The following SYNE2 variants were observed in gnomAD, a reference collection of about 807,000 sequenced individuals.
The protein encoded by SYNE2 is spectrin repeat containing nuclear envelope protein 2, also known as nesprin-2.
A neutral mutation model predicts 856.3 loss-of-function variants in SYNE2; 431 were observed. The observed-to-expected ratio is 0.50, with a 90% CI of 0.47 to 0.55. The LOEUF is 0.55. Ranked by LOEUF, SYNE2 falls within the 20% of genes least tolerant of loss-of-function variation. The probability of loss-of-function intolerance (pLI) is 0.00; values close to 1 mark genes in which losing one functional copy is unlikely to be tolerated. For missense variants in SYNE2, 8,129 were observed against 8,023.2 expected (o/e 1.01, Z -0.50); for synonymous variants, 2,923 against 2,872.3 (o/e 1.02, Z -0.56).
intron 1 of SYNE2, among the ~76,000 whole-genome samples, chr14:63,870,398 T>C (rs565035713): frequency 4.3e-5 from 6 of 138,556 alleles, no homozygotes; most frequent in African/African-American, 1.4e-4. Flanking sequence ...TCTTCCATTC[T>C]AGATAATACT....
chr14:64,174,509 A>G (rs892312772), intron 94 of SYNE2, among the ~76,000 whole-genome samples: 2 of 152,220 alleles, frequency 1.3e-5, no homozygotes, highest in African/African-American at 2.4e-5. Context: ...AGAAATGTAT[A>G]TTTTTTGTAT....
Position 63,986,574 on chromosome 14 carries a change from T to C in SYNE2, c.2270T>C (p.Leu757Ser), listed in dbSNP as rs200319405. Residue 757 changes from leucine (L) to serine (S), a missense_variant, in exon 19 of 116, where the codon TTG becomes TCG. Around this residue, in one of 3 missense-constraint regions of SYNE2, gnomAD observed 2,422 missense variants for 2,357.4 expected, o/e 1.03. Coordinates refer to ENST00000555002, the MANE Select transcript of SYNE2 (RefSeq NM_182914.3). Reference sequence around the variant, plus strand: ...TGGGAGGCAGAAGCCAAATCTGTTTTGGATCAAGATGATGTGGACACCTCA... The same window carrying C: ...TGGGAGGCAGAAGCCAAATCTGTTTCGGATCAAGATGATGTGGACACCTCA... ...EIWEAEAKSV[L>S]DQDDVDTSME... is the part of the protein sequence containing the mutation. 921 of 1,614,062 alleles carry C rather than the reference T, an allele frequency of 5.7e-4. 2 individuals carry two copies. The highest frequency in any genetic ancestry group is 7.5e-4 in the Non-Finnish European group (881 of 1,180,024).
Position 64,190,989 on chromosome 14 carries a change from T to TG in SYNE2, c.18038+753dup, listed in dbSNP as rs1297255875. On this transcript the variant is annotated intron_variant, in intron 99 of 115. Transcript: ENST00000555002. ...ACCGTCACTTGGCCTTGGGACCACTTGTGCAGCTGTGCTTCCACTGGCCAC... is the reference window on the plus strand; with the variant it reads ...ACCGTCACTTGGCCTTGGGACCACTTGGTGCAGCTGTGCTTCCACTGGCCAC... 1.6e-5 allele frequency: 11 copies of TG among 702,242 alleles called. No individual in the cohort carries two copies. In the South Asian group the frequency reaches 1.6e-4, roughly 10 times the overall value. The allele number at this position is 702,242 out of a possible 1,614,324, so 43.5% of individuals were successfully genotyped here.
intron 1 of SYNE2, among the ~76,000 whole-genome samples, chr14:63,900,291 C>G (rs547504128): frequency 3.3e-5 from 5 of 152,140 alleles, no homozygotes; most frequent in Non-Finnish European, 5.9e-5. Context: ...TTTGTTTTCA[C>G]GCTGCTGATA....
intron 1 of SYNE2, chr14:63,864,470 G>A (rs753232539): frequency 1.1e-4 from 17 of 152,194 alleles, no homozygotes; most frequent in Non-Finnish European, 1.9e-4. Flanking sequence ...GAACTGGAAG[G>A]TAAGCTTGTT....
At chr14:63,978,191 C>G (rs1034283351) in intron 13 of SYNE2, among the ~76,000 whole-genome samples, 174 bp downstream of exon 13, 37 of 152,268 alleles carry the variant, frequency 2.4e-4, no homozygotes, top group African/African-American at 7.9e-4. Context: ...AGGTAGTATG[C>G]CAACATACCT....
At chr14:63,887,236 G>A (rs144909835) in intron 1 of SYNE2, among the ~76,000 whole-genome samples, 3,142 of 151,798 alleles carry the variant, frequency 0.021, 127 homozygotes, top group African/African-American at 0.073. Flanking sequence ...AGCCGAGATC[G>A]CACCACTGCA....
At chr14:63,826,832 A>G (rs1385996216) in intron 1 of SYNE2, among the ~76,000 whole-genome samples, 1 of 152,204 alleles carries the variant, frequency 6.6e-6, no homozygotes. Context: ...AGCACAAGCT[A>G]TAAAATAGGA....
intron 112 of SYNE2, among the ~76,000 whole-genome samples, chr14:64,222,747 GC>G (rs1359886878): frequency 6.6e-6 from 1 of 151,916 alleles, no homozygotes; most frequent in East Asian, 1.9e-4. Context: ...TAAATGAATA[GC>G]CACATGTGTC....
chr14:63,874,509 C>T lies in SYNE2; in HGVS notation c.-52+21366C>T, dbSNP rs115889445. The stretch of plus-strand genomic sequence containing the variant: ...GTTCCAGGAAGGATATCTATGTAAC[C>T]TGCCTGAGCTCTCTTATCTTTAAAA... On this transcript the variant is annotated intron_variant, in intron 1 of 115. Transcript: ENST00000555002. Among the ~76,000 whole-genome samples the T allele has an allele frequency of 4.0e-3, 616 of 152,282 alleles. 9 individuals are homozygous for T. The highest frequency in any genetic ancestry group is 0.014 in the African/African-American group (580 of 41,558).
At chr14:63,767,108 T>A (rs1313370346) in intron 1 of SYNE2, among the ~76,000 whole-genome samples, 1 of 146,492 alleles carries the variant, frequency 6.8e-6, no homozygotes, top group Non-Finnish European at 1.5e-5. Context: ...TTATTTTTTT[T>A]ATCTTTTTTT....
rs1019076638 is a variant in SYNE2 at position 63,990,703 on chromosome 14, A to G, written c.2472+134A>G. ...AAATATTACTTTTGCATTATGTTTT[A>G]TTTCTTTATAATTTAAAGCGTATCA... is the stretch of plus-strand genomic sequence containing the variant. On this transcript the variant is annotated intron_variant, in intron 20 of 115. Coordinates refer to ENST00000555002, the MANE Select transcript of SYNE2 (RefSeq NM_182914.3). 8.1e-6 allele frequency: 7 copies of G among 868,416 alleles called. No individual in the cohort carries two copies. The Admixed American group carries it at 1.5e-4, about 18-fold the overall frequency. The allele number at this position is 868,416 out of a possible 1,614,324, so 53.8% of individuals were successfully genotyped here. A position where few individuals can be genotyped will look rare whatever the true frequency, so the allele number is the denominator to read the frequency against.
intron 30 of SYNE2, among the ~76,000 whole-genome samples, chr14:64,004,640 T>G (rs1369746544): frequency 6.6e-6 from 1 of 152,108 alleles, no homozygotes; most frequent in African/African-American, 2.4e-5. Flanking sequence ...TCTTCCCCCC[T>G]TTCTAAATCT....
At chr14:64,154,683 C>A (rs1410673241) in intron 85 of SYNE2, among the ~76,000 whole-genome samples, 1 of 150,482 alleles carries the variant, frequency 6.6e-6, no homozygotes, top group African/African-American at 2.4e-5. Flanking sequence ...AGTCCAGCTA[C>A]TTAGGAGGCT....
intron 1 of SYNE2, among the ~76,000 whole-genome samples, chr14:63,767,428 T>A (rs1256112893): frequency 2.0e-5 from 3 of 152,126 alleles, no homozygotes; most frequent in African/African-American, 4.8e-5. Context: ...ATTTTTTAAA[T>A]TTTTCTTAGT....
upstream of SYNE2, among the ~76,000 whole-genome samples, chr14:63,849,625 T>C (rs1451300053): frequency 2.0e-5 from 3 of 152,194 alleles, no homozygotes; most frequent in African/African-American, 7.2e-5. Context: ...TAAAATCTGT[T>C]GCCATCCTTG....
chr14:64,112,938 G>T, intron 65 of SYNE2: 1 of 930,136 alleles, frequency 1.1e-6, no homozygotes, highest in African/African-American at 1.8e-5. Context: ...TTGTTTTTCT[G>T]TTGGAATAGA....
chr14:63,835,074 T>C (rs1161147821), intron 1 of SYNE2, among the ~76,000 whole-genome samples: 1 of 152,172 alleles, frequency 6.6e-6, no homozygotes. Context: ...AACAACTATC[T>C]ATTGACGGCA....
At chr14:63,831,996 T>A (rs1399908133) in intron 1 of SYNE2, among the ~76,000 whole-genome samples, 2 of 152,150 alleles carry the variant, frequency 1.3e-5, no homozygotes, top group Non-Finnish European at 2.9e-5. Flanking sequence ...TTTTTCAGTA[T>A]TTTATTCTTG....
Sources: allele counts gnomAD v4.1 joint callset (sites outside exome capture counted in the v4.1 genomes callset), GRCh38; gene constraint gnomAD v4.1.1; regional missense constraint gnomAD v4.1.1; transcripts MANE v1.5; gene names NCBI Gene and HGNC (gene_info 2026-07-23, HGNC 2026-07-21).